The following ZCCHC7 variants were observed in gnomAD, a reference collection of about 807,000 sequenced individuals.
ZCCHC7 encodes the protein zinc finger CCHC domain-containing protein 7.
A neutral mutation model predicts 52.0 loss-of-function variants in ZCCHC7; 35 were observed. The observed-to-expected ratio is 0.67, with a 90% CI of 0.51 to 0.89. ZCCHC7 has a LOEUF of 0.89. Among genes scored for constraint, ZCCHC7 ranks in the 40% least tolerant of loss-of-function variants. ZCCHC7 has a pLI of 0.00. For synonymous variants in ZCCHC7, 217 were observed against 221.5 expected, an observed-to-expected ratio of 0.98 and a Z score of 0.18; for missense variants, 574 against 649.1, an observed-to-expected ratio of 0.88 and a Z score of 1.26.
chr9:37,325,733 A>T (rs538087870), intron 5 of ZCCHC7, among the ~76,000 whole-genome samples: 1 of 152,346 alleles, frequency 6.6e-6, no homozygotes, highest in South Asian at 2.1e-4. Flanking sequence ...AATAAGTATT[A>T]CAAAAAATAG....
At chr9:37,136,211 A>G (rs1049790854) in intron 2 of ZCCHC7, among the ~76,000 whole-genome samples, 2 of 152,158 alleles carry the variant, frequency 1.3e-5, no homozygotes, top group East Asian at 1.9e-4. Context: ...CAGTTGGCCA[A>G]CTTTGACTTT....
At chr9:37,326,337 AGTT>A (rs1461121095) in intron 5 of ZCCHC7, among the ~76,000 whole-genome samples, 1 of 151,994 alleles carries the variant, frequency 6.6e-6, no homozygotes, top group Non-Finnish European at 1.5e-5. Flanking sequence ...TTTTAAAAAT[AGTT>A]GTCTTTTCAT....
chr9:37,160,525 A>G (rs1482793497), intron 2 of ZCCHC7, among the ~76,000 whole-genome samples: 6 of 152,130 alleles, frequency 3.9e-5, no homozygotes, highest in Non-Finnish European at 8.8e-5. Context: ...CTCAAAAATA[A>G]TAATGTTGCA....
intron 2 of ZCCHC7, among the ~76,000 whole-genome samples, chr9:37,233,327 A>G (rs936539312): frequency 6.6e-6 from 1 of 152,204 alleles, no homozygotes; most frequent in African/African-American, 2.4e-5. Context: ...CATTTTCCTC[A>G]GCAAATTTTA....
chr9:37,141,655 A>G (rs1843232272), intron 2 of ZCCHC7, among the ~76,000 whole-genome samples: 1 of 151,950 alleles, frequency 6.6e-6, no homozygotes, highest in African/African-American at 2.4e-5. Flanking sequence ...ACTGTTATAA[A>G]TCTTTAATTT....
chr9:37,266,103 A>G (rs1564211997), intron 2 of ZCCHC7, among the ~76,000 whole-genome samples: 1 of 152,262 alleles, frequency 6.6e-6, no homozygotes, highest in Non-Finnish European at 1.5e-5. Context: ...CTGTATCAAT[A>G]TGGTAAAAAC....
At chr9:37,188,313 A>G (rs1341088211) in intron 2 of ZCCHC7, among the ~76,000 whole-genome samples, 1 of 151,596 alleles carries the variant, frequency 6.6e-6, no homozygotes, top group Non-Finnish European at 1.5e-5. Context: ...ATGCCTGACT[A>G]ATTTTTTTTA....
chr9:37,255,842 A>G lies in ZCCHC7; in HGVS notation c.611-46346A>G, dbSNP rs182516067. On this transcript the variant is annotated intron_variant, in intron 2 of 8. Transcript: ENST00000336755. ...GTTCTAGAGTGCAAGAAATGAGAAA[A>G]TAAGTGAATGAGCTTTGCCCAGCCA... Among the ~76,000 whole-genome samples the G allele has an allele frequency of 7.2e-5, 11 of 152,296 alleles. No homozygotes were observed. The East Asian group carries it at 2.1e-3, about 29-fold the overall frequency.
chr9:37,299,527 A>T (rs925598373), intron 2 of ZCCHC7, among the ~76,000 whole-genome samples: 27 of 152,344 alleles, frequency 1.8e-4, no homozygotes, highest in Admixed American at 9.8e-4. Context: ...CCAGAATTTA[A>T]CAAGTTGGAG....
In ZCCHC7 at chr9:37,130,364, T is replaced by TA. The variant is rs1554698141; in HGVS notation, c.610+3423dup. On this transcript the variant is annotated intron_variant, in intron 2 of 8. Coordinates refer to ENST00000336755, the MANE Select transcript of ZCCHC7 (RefSeq NM_032226.3). ...TTTTTTTTTTTTTTTTTTTTTTTTTTATAGCAGTGGGGTCTTACCCTATAA... is the reference window on the plus strand; with the variant it reads ...TTTTTTTTTTTTTTTTTTTTTTTTTTAATAGCAGTGGGGTCTTACCCTATAA... 7.1e-4 allele frequency among the ~76,000 whole-genome samples: 94 copies of TA among 131,794 alleles called. 6 individuals are homozygous for TA. Among genetic ancestry groups the TA allele is most frequent in the Non-Finnish European group, 1.1e-3 (69 of 62,012 alleles). 86.5% of individuals were successfully genotyped at this position (131,794 alleles called of 152,430 possible). A position where few individuals can be genotyped will look rare whatever the true frequency, so the allele number is the denominator to read the frequency against.
At chr9:37,142,777 T>C (rs1160148831) in intron 2 of ZCCHC7, among the ~76,000 whole-genome samples, 1 of 151,780 alleles carries the variant, frequency 6.6e-6, no homozygotes, top group Non-Finnish European at 1.5e-5. Flanking sequence ...TAATTGATAT[T>C]CATATGTAAT....
chr9:37,147,866 T>A (rs902014807), intron 2 of ZCCHC7, among the ~76,000 whole-genome samples: 2 of 152,074 alleles, frequency 1.3e-5, no homozygotes, highest in Non-Finnish European at 2.9e-5. Context: ...AAATCTACAT[T>A]ATAACATATT....
chr9:37,288,209 G>T (rs2133610324), intron 2 of ZCCHC7, among the ~76,000 whole-genome samples: 1 of 151,830 alleles, frequency 6.6e-6, no homozygotes, highest in South Asian at 2.1e-4. Context: ...GAGCCCAGGA[G>T]GTTGAGCCTG....
intron 2 of ZCCHC7, among the ~76,000 whole-genome samples, chr9:37,261,339 A>G (rs566177487): frequency 1.3e-5 from 2 of 152,344 alleles, no homozygotes; most frequent in South Asian, 4.1e-4. Flanking sequence ...CGTCAAAGTC[A>G]ACACACAGAC....
rs552335962 is a variant in ZCCHC7, at chr9:37,156,993, C to T, written c.610+30051C>T. ...ATATAACCTGTTGATCCTATAAGGT[C>T]AAAACTATTTTCATCATAGTAAGAT... On this transcript the variant is annotated intron_variant, in intron 2 of 8. Coordinates refer to ENST00000336755, the MANE Select transcript of ZCCHC7 (RefSeq NM_032226.3). Among the ~76,000 whole-genome samples, 6 of 151,850 alleles carry T rather than the reference C, an allele frequency of 4.0e-5. No homozygotes were observed. In the South Asian group the frequency reaches 1.3e-3, roughly 32 times the overall value.
intron 5 of ZCCHC7, among the ~76,000 whole-genome samples, chr9:37,306,606 C>G (rs898839797): frequency 9.9e-5 from 15 of 151,124 alleles, no homozygotes; most frequent in African/African-American, 3.7e-4. Context: ...GCTGGGATTA[C>G]AGGCACGTGC....
chr9:37,234,160 C>G (rs560691691), intron 2 of ZCCHC7, among the ~76,000 whole-genome samples: 1 of 152,172 alleles, frequency 6.6e-6, no homozygotes, highest in Non-Finnish European at 1.5e-5. Context: ...TCAGCCACCA[C>G]GCCCGGCCAG....
chr9:37,302,150 A>C (rs932740947), intron 2 of ZCCHC7, 38 bp from the exon 3 acceptor site: 41 of 1,557,332 alleles, frequency 2.6e-5, no homozygotes, highest in Non-Finnish European at 3.6e-5. Context: ...AGTCCTTTAA[A>C]AGTGCCACGG....
intron 2 of ZCCHC7, among the ~76,000 whole-genome samples, chr9:37,256,528 G>GT (rs944791224): frequency 1.3e-5 from 2 of 152,094 alleles, no homozygotes; most frequent in African/African-American, 4.8e-5. Context: ...CATGCCTGTA[G>GT]TTTTTTTAAA....
Sources: allele counts gnomAD v4.1 joint callset (sites outside exome capture counted in the v4.1 genomes callset), GRCh38; gene constraint gnomAD v4.1.1; transcripts MANE v1.5; gene names NCBI Gene and HGNC (gene_info 2026-07-23, HGNC 2026-07-21).